KIAA1755: variants seen among roughly 807,000 people sequenced by gnomAD.
KIAA1755 encodes the protein KIAA1755.
In KIAA1755, 68 loss-of-function variants were observed where a neutral mutation model predicts 91.7. That is an observed-to-expected ratio of 0.74 (90% confidence interval 0.61 to 0.91). The LOEUF is 0.91. KIAA1755 is among the 40% of genes least tolerant of loss of function. KIAA1755 has a pLI of 0.00. For synonymous variants in KIAA1755, 610 were observed against 604.6 expected (o/e 1.01, Z -0.13); for missense variants, 1,535 against 1,494.4 (o/e 1.03, Z -0.45).
At chr20:38,251,793 T>C (rs892488068) in intron 1 of KIAA1755, among the ~76,000 whole-genome samples, 4 of 152,178 alleles carry the variant, frequency 2.6e-5, no homozygotes, top group African/African-American at 7.2e-5. Flanking sequence ...CTTGAACTCC[T>C]GACCTCAGGT....
intron 2 of KIAA1755, among the ~76,000 whole-genome samples, chr20:38,245,479 C>A (rs755807922): frequency 2.0e-5 from 3 of 152,200 alleles, no homozygotes; most frequent in Non-Finnish European, 4.4e-5. Flanking sequence ...TTGGCAGAGG[C>A]CTCCCTGAGA....
intron 4 of KIAA1755, among the ~76,000 whole-genome samples, chr20:38,232,666 G>T (rs997282542): frequency 6.6e-6 from 1 of 151,448 alleles, no homozygotes; most frequent in Non-Finnish European, 1.5e-5. Context: ...ATATAAATGT[G>T]TATACATATA....
In KIAA1755 at chr20:38,213,412, T is replaced by C. The variant is rs1231980737; in HGVS notation, c.3233A>G (p.Gln1078Arg). ...GGAAGTGACCTCTACACTCACACCC[T>C]GGCCCTTGGCTGCCACCCCTCTTCG... ...PERRGVAAKG[Q>R]GVSVEVTSKG... is the part of the protein sequence containing the mutation. The change falls in exon 14 of 14, where the codon CAG becomes CGG. Residue 1078 changes from glutamine (Q) to arginine (R), a missense_variant. Coordinates refer to ENST00000279024, the MANE Select transcript of KIAA1755 (RefSeq NM_001029864.2). The C allele has an allele frequency of 6.2e-7, 1 of 1,600,076 alleles. No individual in the cohort carries two copies. The highest frequency in any genetic ancestry group is 2.3e-5 in the East Asian group (1 of 44,362).
intron 1 of KIAA1755, among the ~76,000 whole-genome samples, chr20:38,250,512 CTGTGTGTG>C (rs3080901): frequency 1.4e-5 from 2 of 138,926 alleles, no homozygotes; most frequent in South Asian, 4.8e-4. Context: ...GTGTGTGTGT[CTGTGTGTG>C]TGTGTGTGTG....
chr20:38,232,733 C>CAAATTTCGA (rs1190035586), intron 4 of KIAA1755, among the ~76,000 whole-genome samples: 1 of 151,916 alleles, frequency 6.6e-6, no homozygotes, highest in Non-Finnish European at 1.5e-5. Context: ...TATTCACTTA[C>CAAATTTCGA]AAATTTCGAA....
At chr20:38,235,338 G>A (rs1387714370) in intron 4 of KIAA1755, among the ~76,000 whole-genome samples, 1 of 151,976 alleles carries the variant, frequency 6.6e-6, no homozygotes. Flanking sequence ...TGGCCCCAAA[G>A]ATGTCCATGC....
chr20:38,246,962 G>C (rs529708366), intron 1 of KIAA1755, among the ~76,000 whole-genome samples: 2 of 152,210 alleles, frequency 1.3e-5, no homozygotes, highest in Non-Finnish European at 2.9e-5. Context: ...CAGGTGCTCC[G>C]CGCTGTCCCC....
rs1415690995 is a variant in KIAA1755, at chr20:38,223,520, A to C, written c.2268+18T>G. 6.5e-7 allele frequency: 1 copy of C among 1,549,484 alleles called. No individual in the cohort carries two copies. The highest frequency in any genetic ancestry group is 1.2e-5 in the South Asian group (1 of 81,908). On this transcript the variant is annotated intron_variant, in intron 9 of 13. Coordinates refer to ENST00000279024, the MANE Select transcript of KIAA1755 (RefSeq NM_001029864.2). ...GGGGTGTGATGTAGCTTCCCCAGTC[A>C]CCATGCTCCAGGCTCACCTGCATCC...
intron 1 of KIAA1755, among the ~76,000 whole-genome samples, chr20:38,247,940 G>A (rs913636811): frequency 2.0e-5 from 3 of 152,108 alleles, no homozygotes; most frequent in South Asian, 4.1e-4. Context: ...ATTAAAAATC[G>A]TAAATAGGCT....
intron 1 of KIAA1755, among the ~76,000 whole-genome samples, chr20:38,256,139 C>G (rs1254404952): frequency 6.6e-6 from 1 of 152,202 alleles, no homozygotes; most frequent in Non-Finnish European, 1.5e-5. Context: ...GGCACATAAC[C>G]ACCAGCTGTC....
chr20:38,250,487 GGTGTGTGTGTGTGTGTGTGTGTGTCT>G (rs939315671), intron 1 of KIAA1755, among the ~76,000 whole-genome samples: 1 of 142,478 alleles, frequency 7.0e-6, no homozygotes, highest in African/African-American at 2.7e-5. Context: ...TTATTATTAT[GGTGTGTGTGTGTGTGTGTGTGTGTCT>G]GTGTGTGTGT....
Position 38,218,361 on chromosome 20 carries a change from G to A in KIAA1755, c.2562C>T (p.Ser854=), listed in dbSNP as rs143020541. 8.7e-6 allele frequency: 14 copies of A among 1,614,062 alleles called. No individual in the cohort carries two copies. The highest frequency in any genetic ancestry group is 6.7e-5 in the Admixed American group (4 of 60,020). ...GCCTTCCTTCCTGCTCCATCCAGTC[G>A]CTGACCTGGGGCAGGAGAGGCAGAT... is the stretch of plus-strand genomic sequence containing the variant. ...GRLEAAIHQV[S]DWMEQEGRRC... Residue 854 remains serine, a synonymous_variant, in exon 12 of 14, where the codon AGC becomes AGT. Coordinates refer to ENST00000279024, the MANE Select transcript of KIAA1755 (RefSeq NM_001029864.2).
chr20:38,223,768 AGAGCTG>A, intron 8 of KIAA1755, 132 bp from the exon 9 acceptor site: 1 of 651,190 alleles, frequency 1.5e-6, no homozygotes, highest in Non-Finnish European at 2.6e-6. Context: ...AAGCATCTGG[AGAGCTG>A]GTTAAAACAC....
At chr20:38,221,215 G>T (rs2075652579) in intron 10 of KIAA1755, among the ~76,000 whole-genome samples, 1 of 152,206 alleles carries the variant, frequency 6.6e-6, no homozygotes, top group Non-Finnish European at 1.5e-5. Flanking sequence ...CAGCCTAGGG[G>T]CTGCAGGGAC....
Position 38,213,195 on chromosome 20 carries a change from G to C in KIAA1755, c.3450C>G (p.Arg1150=). Residue 1150 remains arginine, a synonymous_variant, in exon 14 of 14, where the codon CGC becomes CGG. Transcript: ENST00000279024. ...AGAAGGTGGTGGCAAGCAAATGCTCGCGGGCAGGGTCAGGCAGCTTGTGGG... is the reference window on the plus strand; with the variant it reads ...AGAAGGTGGTGGCAAGCAAATGCTCCCGGGCAGGGTCAGGCAGCTTGTGGG... ...KGSHKLPDPA[R]EHLLATTFFR... 6.2e-7 allele frequency: 1 copy of C among 1,613,574 alleles called. No homozygotes were observed. The highest frequency in any genetic ancestry group is 1.1e-5 in the South Asian group (1 of 91,084).
intron 7 of KIAA1755, among the ~76,000 whole-genome samples, 156 bp from the exon 8 acceptor site, chr20:38,225,937 G>T (rs1055583040): frequency 1.3e-5 from 2 of 152,174 alleles, no homozygotes; most frequent in African/African-American, 4.8e-5. Flanking sequence ...AATCTTCTCT[G>T]GAAACTCTGA....
At chr20:38,251,156 GTA>G (rs1377935168) in intron 1 of KIAA1755, among the ~76,000 whole-genome samples, 18 of 152,162 alleles carry the variant, frequency 1.2e-4, no homozygotes, top group African/African-American at 4.1e-4. Flanking sequence ...AAAACGAATA[GTA>G]CCATTAAATT....
At chr20:38,216,161 G>C (rs571399906) in intron 13 of KIAA1755, among the ~76,000 whole-genome samples, 1 of 152,380 alleles carries the variant, frequency 6.6e-6, no homozygotes, top group South Asian at 2.1e-4. Flanking sequence ...GCCTAGAGCA[G>C]TGAAGACTGT....
intron 4 of KIAA1755, among the ~76,000 whole-genome samples, chr20:38,239,015 C>T (rs115729136): frequency 6.4e-4 from 98 of 152,290 alleles, no homozygotes; most frequent in African/African-American, 2.1e-3. Flanking sequence ...TCATTAATGA[C>T]GGACAGACTG....
Sources: gnomAD v4.1 joint callset for allele counts (sites outside exome capture counted in the v4.1 genomes callset) on GRCh38, gnomAD v4.1.1 for gene constraint, MANE v1.5 for transcripts, NCBI Gene and HGNC (gene_info 2026-07-23, HGNC 2026-07-21) for gene names.